FAM114A1: variants seen among roughly 807,000 people sequenced by gnomAD.
The protein encoded by FAM114A1 is family with sequence similarity 114 member A1, also known as protein NOXP20.
A neutral mutation model predicts 64.3 loss-of-function variants in FAM114A1; 62 were observed. That is an observed-to-expected ratio of 0.96 (90% CI 0.79 to 1.19). FAM114A1 has a LOEUF of 1.19. Among genes scored for constraint, FAM114A1 ranks in the 50% most tolerant of loss-of-function variants. The pLI, the probability that FAM114A1 is intolerant of heterozygous loss-of-function variation, is 0.00. For missense variants in FAM114A1, 645 were observed against 676.3 expected (o/e 0.95, Z 0.51); for synonymous variants, 254 against 251.1 (o/e 1.01, Z -0.11).
rs542283064 is a variant in FAM114A1 at position 38,935,631 on chromosome 4, A to C, written c.1464-87A>C. 109 of 884,480 alleles carry C rather than the reference A, an allele frequency of 1.2e-4. No homozygotes were observed. In the African/African-American group the frequency reaches 1.8e-3, roughly 15 times the overall value. The allele number at this position is 884,480 out of a possible 1,614,324, so 54.8% of individuals were successfully genotyped here. A position where few individuals can be genotyped will look rare whatever the true frequency, so the allele number is the denominator to read the frequency against. On this transcript the variant is annotated intron_variant, in intron 12 of 14. Transcript: ENST00000358869. ...TGTGTGGCATTCTTTTAAATGTCAT[A>C]CTGAATTAGTATCAGAAATGGTCGT...
At chr4:38,888,909 T>C (rs1032211447) in intron 3 of FAM114A1, among the ~76,000 whole-genome samples, 1 of 152,250 alleles carries the variant, frequency 6.6e-6, no homozygotes, top group African/African-American at 2.4e-5. Flanking sequence ...TGATGAGATA[T>C]ATTTATAATT....
intron 12 of FAM114A1, among the ~76,000 whole-genome samples, chr4:38,935,200 C>T (rs546188648): frequency 1.2e-4 from 18 of 152,268 alleles, no homozygotes; most frequent in Admixed American, 3.9e-4. Context: ...CAGGCGTGAG[C>T]CACTGTTCCC....
At chr4:38,911,166 A>G (rs1718492344) in intron 7 of FAM114A1, among the ~76,000 whole-genome samples, 1 of 152,196 alleles carries the variant, frequency 6.6e-6, no homozygotes, top group Admixed American at 6.5e-5. Flanking sequence ...GAGCCCAGGA[A>G]GGCTGGGAGA....
intron 3 of FAM114A1, among the ~76,000 whole-genome samples, chr4:38,888,408 A>C (rs557010634): frequency 2.3e-4 from 35 of 152,240 alleles, no homozygotes; most frequent in Non-Finnish European, 8.8e-5. Context: ...CTGTAATCTC[A>C]GCTACTTGGG....
chr4:38,895,430 G>A (rs570161723), intron 4 of FAM114A1, among the ~76,000 whole-genome samples: 12 of 152,284 alleles, frequency 7.9e-5, no homozygotes, highest in Admixed American at 6.5e-4. Flanking sequence ...TAGTTCAGGC[G>A]CACTAAGGAT....
intron 14 of FAM114A1, among the ~76,000 whole-genome samples, chr4:38,942,292 G>A (rs1035963142): frequency 2.6e-5 from 4 of 152,114 alleles, no homozygotes; most frequent in Admixed American, 1.3e-4. Context: ...TAAGGAAAAC[G>A]ACAAAGGTAC....
In FAM114A1 at chr4:38,927,515, A is replaced by G. The variant is rs114248876; in HGVS notation, c.1070-1727A>G. On this transcript the variant is annotated intron_variant, in intron 9 of 14. Transcript: ENST00000358869. Reference sequence around the variant, plus strand: ...TCACACCCCCAAAGCCTCACCTCCTATTGTCATCACATTGGTATTAGGTTT... The same window carrying G: ...TCACACCCCCAAAGCCTCACCTCCTGTTGTCATCACATTGGTATTAGGTTT... 9.6e-3 allele frequency among the ~76,000 whole-genome samples: 1,453 copies of G among 152,004 alleles called. 27 individuals carry two copies. Among genetic ancestry groups the G allele is most frequent in the African/African-American group, 0.033 (1,376 of 41,460 alleles).
Position 38,878,426 on chromosome 4 carries a change from G to A in FAM114A1, c.348G>A (p.Leu116=), listed in dbSNP as rs758516865. 6 of 1,570,158 alleles carry A rather than the reference G, an allele frequency of 3.8e-6. No homozygotes were observed. In the African/African-American group the frequency reaches 6.8e-5, roughly 18 times the overall value. ...TACCCCTGCAAGAACAGAATTATCTGGTAAGAATGGGTCATTCAATTCACT... is the reference window on the plus strand; with the variant it reads ...TACCCCTGCAAGAACAGAATTATCTAGTAAGAATGGGTCATTCAATTCACT... ...SEIPLQEQNY[L]AVDSPPSGGG... Residue 116 remains leucine (L), a splice_region_variant and synonymous_variant, in exon 3 of 15, where the codon CTG becomes CTA. Coordinates refer to ENST00000358869, the MANE Select transcript of FAM114A1 (RefSeq NM_138389.4).
At chr4:38,918,054 T>C (rs1213315870) in intron 8 of FAM114A1, among the ~76,000 whole-genome samples, 2 of 141,262 alleles carry the variant, frequency 1.4e-5, no homozygotes, top group Non-Finnish European at 3.1e-5. Flanking sequence ...CCGTCTCTAC[T>C]AAAAAAAAAA....
At chr4:38,913,433 CTGT>C (rs891090520) in intron 7 of FAM114A1, among the ~76,000 whole-genome samples, 3 of 152,180 alleles carry the variant, frequency 2.0e-5, no homozygotes, top group African/African-American at 7.2e-5. Flanking sequence ...AAGTCTCACT[CTGT>C]TGCCCAGGCT....
At chr4:38,894,188 A>T (rs1716687058) in intron 4 of FAM114A1, among the ~76,000 whole-genome samples, 1 of 138,866 alleles carries the variant, frequency 7.2e-6, no homozygotes. Context: ...AAAAAAAAAA[A>T]GCAGGGTGTG....
chr4:38,906,868 T>G (rs1718058311), intron 6 of FAM114A1, among the ~76,000 whole-genome samples: 1 of 152,234 alleles, frequency 6.6e-6, no homozygotes, highest in Non-Finnish European at 1.5e-5. Context: ...AAAATATGGC[T>G]CGTGTCTCAT....
rs139238894 is a variant in FAM114A1 at position 38,905,784 on chromosome 4, G to A, written c.580G>A (p.Ala194Thr). 51 of 1,613,988 alleles carry A rather than the reference G, an allele frequency of 3.2e-5. No individual in the cohort carries two copies. In the African/African-American group the frequency reaches 4.7e-4, roughly 15 times the overall value. The change falls in exon 6 of 15, where the codon GCA (alanine) becomes ACA (threonine). Residue 194 changes from alanine to threonine, a missense_variant. Physicochemically the swap from Ala to Thr is moderately conservative, Grantham distance 58. Coordinates refer to ENST00000358869, the MANE Select transcript of FAM114A1 (RefSeq NM_138389.4). ...AGATGCAGCCACAGATCAGGGCCCT[G>A]CAGAAAGCCCACCCACTTCCCCTTC... ...ITDAATDQGPAESPPTSPSSA... is the reference protein window; with the variant it reads ...ITDAATDQGPTESPPTSPSSA...
At chr4:38,887,623 A>G (rs943253893) in intron 3 of FAM114A1, among the ~76,000 whole-genome samples, 1 of 152,234 alleles carries the variant, frequency 6.6e-6, no homozygotes, top group East Asian at 1.9e-4. Flanking sequence ...TGTCACTCTA[A>G]TAGGTCAGAT....
intron 3 of FAM114A1, among the ~76,000 whole-genome samples, chr4:38,890,192 C>G (rs1716192569): frequency 6.6e-6 from 1 of 152,026 alleles, no homozygotes. Context: ...ATCATGAGGT[C>G]AAGAGATCAA....
In FAM114A1 at chr4:38,903,813, A is replaced by G. The variant is rs149873400; in HGVS notation, c.437-1709A>G. 3.3e-3 allele frequency among the ~76,000 whole-genome samples: 495 copies of G among 152,304 alleles called. 1 individual carries two copies. The highest frequency in any genetic ancestry group is 0.012 in the African/African-American group (484 of 41,562). ...CATGACTATAAACACGTATTTCTAT[A>G]TGTGATTACAGTTGTAAATAATGTT... On this transcript the variant is annotated intron_variant, in intron 4 of 14. Transcript: ENST00000358869.
chr4:38,880,717 T>C (rs1198522001), intron 3 of FAM114A1, among the ~76,000 whole-genome samples: 3 of 152,190 alleles, frequency 2.0e-5, no homozygotes, highest in Non-Finnish European at 4.4e-5. Context: ...TCATCCTAAG[T>C]GCTACTGTTA....
At chr4:38,891,927 G>A in intron 4 of FAM114A1, 97 bp downstream of exon 4, 1 of 1,071,954 alleles carries the variant, frequency 9.3e-7, no homozygotes, top group Non-Finnish European at 1.3e-6. Flanking sequence ...TTTAACATTA[G>A]CCCGTGAGCA....
rs77115684 is a variant in FAM114A1 at position 38,941,739 on chromosome 4, C to T, written c.1590+718C>T. Reference sequence around the variant, plus strand: ...GGGGCTAAACTATAAGTAACAGCCGCGGGGCACCCAGCTGAAGGCACAAGG... The same window carrying T: ...GGGGCTAAACTATAAGTAACAGCCGTGGGGCACCCAGCTGAAGGCACAAGG... On this transcript the variant is annotated intron_variant, in intron 14 of 14. Coordinates refer to ENST00000358869, the MANE Select transcript of FAM114A1 (RefSeq NM_138389.4). 2.6e-4 allele frequency among the ~76,000 whole-genome samples: 39 copies of T among 152,236 alleles called. No homozygotes were observed. In the East Asian group the frequency reaches 5.2e-3, roughly 20 times the overall value.
Sources: gnomAD v4.1 joint callset for allele counts (sites outside exome capture counted in the v4.1 genomes callset) on GRCh38, gnomAD v4.1.1 for gene constraint, MANE v1.5 for transcripts, NCBI Gene and HGNC (gene_info 2026-07-23, HGNC 2026-07-21) for gene names.